Variants in MALRD1 observed in about 807,000 individuals in gnomAD.
MALRD1 encodes the protein MAM and LDL receptor class A domain containing 1.
MALRD1 carries 247 observed loss-of-function variants against 242.1 expected under a neutral mutation model. That is an observed-to-expected ratio of 1.02 (90% confidence interval 0.92 to 1.13). The LOEUF (loss-of-function observed/expected upper bound fraction) is 1.13. Among genes scored for constraint, MALRD1 ranks in the 50% most tolerant of loss-of-function variants. MALRD1 has a pLI of 0.00. For synonymous variants in MALRD1, 995 were observed against 866.6 expected, an observed-to-expected ratio of 1.15 and a Z score of -2.60; for missense variants, 2,989 against 2,533.1, an observed-to-expected ratio of 1.18 and a Z score of -3.86.
intron 31 of MALRD1, among the ~76,000 whole-genome samples, chr10:19,528,088 T>G (rs1834182143): frequency 6.6e-6 from 1 of 152,188 alleles, no homozygotes; most frequent in Admixed American, 6.5e-5. Context: ...AATGTGAAAC[T>G]TAGAAAACTT....
chr10:19,255,293 C>T (rs764720422), intron 18 of MALRD1, among the ~76,000 whole-genome samples: 10 of 151,900 alleles, frequency 6.6e-5, no homozygotes, highest in Admixed American at 1.3e-4. Context: ...CCCTAATTTC[C>T]GGAATCAATA....
intron 21 of MALRD1, among the ~76,000 whole-genome samples, chr10:19,295,476 T>C (rs1472321822): frequency 6.6e-6 from 1 of 151,826 alleles, no homozygotes; most frequent in Non-Finnish European, 1.5e-5. Flanking sequence ...TGTGTGTGTG[T>C]GTGTGTGTGT....
chr10:19,278,443 G>GTCCA (rs150208541), intron 19 of MALRD1, among the ~76,000 whole-genome samples: 49,782 of 149,058 alleles, frequency 0.33, 8,465 homozygotes, highest in Admixed American at 0.45. Flanking sequence ...TCATTCATCT[G>GTCCA]TCCATCCATC....
intron 28 of MALRD1, among the ~76,000 whole-genome samples, chr10:19,444,194 A>G (rs1457759893): frequency 3.9e-5 from 6 of 151,928 alleles, no homozygotes; most frequent in Non-Finnish European, 7.4e-5. Context: ...TTTTGAGCCT[A>G]TGTGTGTCTC....
intron 33 of MALRD1, among the ~76,000 whole-genome samples, chr10:19,590,883 C>G (rs1248434615): frequency 2.0e-5 from 3 of 152,148 alleles, no homozygotes; most frequent in Admixed American, 6.5e-5. Context: ...GATGAGCCTA[C>G]TTTGGCACAT....
At chr10:19,678,390 T>C (rs1213208127) in intron 36 of MALRD1, among the ~76,000 whole-genome samples, 1 of 152,188 alleles carries the variant, frequency 6.6e-6, no homozygotes, top group Non-Finnish European at 1.5e-5. Flanking sequence ...TTCATTTCCC[T>C]TGTTAGCTGT....
chr10:19,670,060 G>A lies in MALRD1; in HGVS notation c.6138-22222G>A, dbSNP rs189104341. 7.1e-4 allele frequency among the ~76,000 whole-genome samples: 96 copies of A among 135,896 alleles called. 1 individual carries two copies. In the East Asian group the frequency reaches 0.018, roughly 25 times the overall value. The allele number at this position is 135,896 out of a possible 152,430, so 89.2% of individuals were successfully genotyped here. The stretch of plus-strand genomic sequence containing the variant: ...ATAAAGTATAATGCCCTCTTCCCTC[G>A]CACGTGCACACACACACACACACAC... On this transcript the variant is annotated intron_variant, in intron 36 of 39. Coordinates refer to ENST00000454679, the MANE Select transcript of MALRD1 (RefSeq NM_001142308.3).
chr10:19,583,322 C>T (rs1837224341), intron 33 of MALRD1, among the ~76,000 whole-genome samples: 2 of 149,312 alleles, frequency 1.3e-5, no homozygotes, highest in South Asian at 2.1e-4. Flanking sequence ...GGGAATGCTT[C>T]CAGTTTTTGC....
rs1279828613 is a variant in MALRD1 at position 19,389,529 on chromosome 10, G to A, written c.4765G>A (p.Glu1589Lys). The change falls in exon 28 of 40, where the codon GAA (glutamate) becomes AAA (lysine). Residue 1589 changes from glutamate to lysine, a missense_variant. By Grantham distance (56) the Glu-to-Lys change is moderately conservative. Transcript: ENST00000454679. ...ACACTTCAGGAGTACCATGTGGCGA[G>A]AATCCAGTGCAGCCTGCACCATGAG... ...KAHFRSTMWR[E>K]SSAACTMSFW... 9 of 1,550,718 alleles carry A rather than the reference G, an allele frequency of 5.8e-6. No individual in the cohort carries two copies. Among genetic ancestry groups the A allele is most frequent in the Non-Finnish European group, 7.8e-6 (9 of 1,146,990 alleles).
intron 32 of MALRD1, among the ~76,000 whole-genome samples, chr10:19,537,394 G>A (rs77327339): frequency 8.3e-4 from 125 of 151,266 alleles, no homozygotes; most frequent in African/African-American, 2.9e-3. Context: ...TTATAGTTCT[G>A]GAGGCTGCGA....
intron 26 of MALRD1, among the ~76,000 whole-genome samples, chr10:19,374,550 G>A (rs559934327): frequency 6.6e-6 from 1 of 152,290 alleles, no homozygotes; most frequent in Non-Finnish European, 1.5e-5. Flanking sequence ...TTTCATAAGT[G>A]ATTTGAAGTA....
chr10:19,518,150 A>T lies in MALRD1; in HGVS notation c.5321-13044A>T, dbSNP rs139243682. On this transcript the variant is annotated intron_variant, in intron 31 of 39. Transcript: ENST00000454679. ...ACTGGCTGAAACACAGCTGCTTATG[A>T]TTAGCTGAAGCTCTGTTGTTTGTTA... Among the ~76,000 whole-genome samples the T allele has an allele frequency of 1.5e-3, 225 of 152,310 alleles. 1 individual carries two copies. The highest frequency in any genetic ancestry group is 5.1e-3 in the African/African-American group (213 of 41,570).
In MALRD1 at chr10:19,500,433, G is replaced by A. The variant is rs80049994; in HGVS notation, c.5320+1787G>A. On this transcript the variant is annotated intron_variant, in intron 31 of 39. Coordinates refer to ENST00000454679, the MANE Select transcript of MALRD1 (RefSeq NM_001142308.3). ...ATACAGTATGGTGCTGGCATATCTGGTTATCCACCTGGAAGGACTTAAAAT... is the reference window on the plus strand; with the variant it reads ...ATACAGTATGGTGCTGGCATATCTGATTATCCACCTGGAAGGACTTAAAAT... Among the ~76,000 whole-genome samples the A allele has an allele frequency of 1.6e-3, 242 of 152,234 alleles. 1 individual carries two copies. Among genetic ancestry groups the A allele is most frequent in the African/African-American group, 5.5e-3 (230 of 41,550 alleles).
intron 38 of MALRD1, among the ~76,000 whole-genome samples, chr10:19,695,269 C>G (rs80093916): frequency 6.6e-6 from 1 of 151,738 alleles, no homozygotes; most frequent in East Asian, 1.9e-4. Context: ...CATTATCCAC[C>G]GACTAAAAAG....
At chr10:19,563,320 G>T (rs1276808727) in intron 32 of MALRD1, among the ~76,000 whole-genome samples, 1 of 151,968 alleles carries the variant, frequency 6.6e-6, no homozygotes, top group Non-Finnish European at 1.5e-5. Context: ...TCTCTTCAAG[G>T]GAAATTTTCC....
intron 29 of MALRD1, among the ~76,000 whole-genome samples, chr10:19,482,585 C>A (rs1042995630): frequency 6.7e-5 from 10 of 148,808 alleles, no homozygotes; most frequent in African/African-American, 2.0e-4. Flanking sequence ...AAAATAGTAG[C>A]ATTTCTATAC....
chr10:19,544,686 C>T (rs903649777), intron 32 of MALRD1, among the ~76,000 whole-genome samples: 2 of 151,902 alleles, frequency 1.3e-5, no homozygotes, highest in Non-Finnish European at 2.9e-5. Context: ...ATTTGATTGG[C>T]CTGAATCATC....
chr10:19,168,990 A>G (rs1378342701), intron 13 of MALRD1, among the ~76,000 whole-genome samples: 1 of 152,162 alleles, frequency 6.6e-6, no homozygotes, highest in Non-Finnish European at 1.5e-5. Context: ...ATTCCCTCAC[A>G]TTTCACTCTC....
chr10:19,522,887 C>G (rs1833943450), intron 31 of MALRD1, among the ~76,000 whole-genome samples: 1 of 152,106 alleles, frequency 6.6e-6, no homozygotes. Flanking sequence ...TTGTATTTTA[C>G]CAGTCTTACC....
Sources: allele counts gnomAD v4.1 joint callset (sites outside exome capture counted in the v4.1 genomes callset), GRCh38; gene constraint gnomAD v4.1.1; transcripts MANE v1.5; gene names NCBI Gene and HGNC (gene_info 2026-07-23, HGNC 2026-07-21).